The following TESK2 variants were observed in gnomAD, a reference collection of about 807,000 sequenced individuals.
TESK2 encodes dual specificity testis-specific protein kinase 2.
TESK2 carries 39 observed loss-of-function variants against 57.1 expected under a neutral mutation model. The ratio of observed to expected loss-of-function variants is 0.68; its 90% confidence interval spans 0.53 to 0.89. TESK2 has a LOEUF of 0.89. Among genes scored for constraint, TESK2 ranks in the 40% least tolerant of loss-of-function variants. The pLI is 0.00. For missense variants in TESK2, 646 were observed against 732.1 expected (o/e 0.88, Z 1.36); for synonymous variants, 249 against 267.9 (o/e 0.93, Z 0.69).
rs1220684632 is a variant in TESK2 at position 45,345,409 on chromosome 1, A to G, written c.1147T>C (p.Leu383=). 2.5e-6 allele frequency: 4 copies of G among 1,614,134 alleles called. No individual in the cohort carries two copies. The highest frequency in any genetic ancestry group is 3.4e-6 in the Non-Finnish European group (4 of 1,180,038). The change falls in exon 11 of 11, where the codon TTG becomes CTG. Residue 383 remains leucine, a synonymous_variant. Coordinates refer to ENST00000372086, the MANE Select transcript of TESK2 (RefSeq NM_007170.3). ...TCTCGTGGCCGGTAGTATGGGTCCA[A>G]GACACTCACTGTACGTGGGGGCTTA... ...SRKPPRTVSV[L]DPYYRPRDGA... is the part of the protein sequence containing the mutation.
intron 2 of TESK2, among the ~76,000 whole-genome samples, chr1:45,437,920 G>C (rs1246177702): frequency 6.6e-6 from 1 of 152,118 alleles, no homozygotes; most frequent in African/African-American, 2.4e-5. Context: ...GTTGGGGTTT[G>C]GGGATGGTTC....
At chr1:45,477,058 C>CAAAAAAAAAAAA (rs367548030) in intron 1 of TESK2, among the ~76,000 whole-genome samples, 1 of 123,512 alleles carries the variant, frequency 8.1e-6, no homozygotes, top group African/African-American at 3.1e-5. Context: ...ACGTCTCTAC[C>CAAAAAAAAAAAA]AAAAAAAAAA....
intron 1 of TESK2, among the ~76,000 whole-genome samples, chr1:45,475,263 G>A (rs1434117605): frequency 7.0e-6 from 1 of 142,632 alleles, no homozygotes; most frequent in Non-Finnish European, 1.5e-5. Context: ...ATGGAGTGCA[G>A]TGACGCGATC....
intron 4 of TESK2, among the ~76,000 whole-genome samples, chr1:45,367,136 A>AAAAT (rs1159636865): frequency 6.6e-6 from 1 of 152,232 alleles, no homozygotes; most frequent in Non-Finnish European, 1.5e-5. Context: ...CTAGTCTCAA[A>AAAAT]AAATAAATAA....
At position 45,398,387 on chromosome 1, in the gene TESK2, C is replaced by CA. The variant is rs527698083; in HGVS notation, c.345-12428dup. ...AGAAACCCAATCTCTACCAAAAATA[C>CA]AAAAAAAATTAGCTGGGTGTGGTGG... On this transcript the variant is annotated intron_variant, in intron 3 of 10. Transcript: ENST00000372086. Among the ~76,000 whole-genome samples the CA allele has an allele frequency of 1.2e-3, 187 of 151,536 alleles. 1 individual carries two copies. In the Middle Eastern group the frequency reaches 0.041, roughly 33 times the overall value.
At chr1:45,390,816 T>C (rs1227619503) in intron 3 of TESK2, among the ~76,000 whole-genome samples, 1 of 151,402 alleles carries the variant, frequency 6.6e-6, no homozygotes, top group African/African-American at 2.4e-5. Flanking sequence ...TTATGTTGCC[T>C]AGGCTGGTCT....
chr1:45,423,525 C>G (rs1310535971), intron 2 of TESK2, among the ~76,000 whole-genome samples: 2 of 149,580 alleles, frequency 1.3e-5, no homozygotes, highest in East Asian at 2.0e-4. Context: ...CCACTGCACT[C>G]CAGCCTGGGT....
At chr1:45,422,902 T>TG (rs1306034613) in intron 2 of TESK2, among the ~76,000 whole-genome samples, 1 of 151,548 alleles carries the variant, frequency 6.6e-6, no homozygotes, top group Non-Finnish European at 1.5e-5. Context: ...CCCGAGTAGC[T>TG]GCGATTACAA....
intron 1 of TESK2, among the ~76,000 whole-genome samples, chr1:45,489,135 GA>G (rs34912233): frequency 8.1e-4 from 109 of 134,198 alleles, no homozygotes; most frequent in Middle Eastern, 3.8e-3. Context: ...TGACACCAAA[GA>G]AAAAAAAAAA....
chr1:45,431,339 A>C (rs1219985636), intron 2 of TESK2, among the ~76,000 whole-genome samples: 2 of 151,822 alleles, frequency 1.3e-5, no homozygotes, highest in African/African-American at 4.8e-5. Context: ...AATCGCTTGA[A>C]CCCGGGAGAC....
intron 1 of TESK2, among the ~76,000 whole-genome samples, chr1:45,468,582 C>T (rs1652646157): frequency 1.3e-5 from 2 of 152,092 alleles, no homozygotes; most frequent in Non-Finnish European, 2.9e-5. Flanking sequence ...AAATATATGA[C>T]ATTTTATGAT....
chr1:45,344,819 T>C lies in TESK2; in HGVS notation c.*21A>G. ...TTCAGCTGAAGGTCCATCCCCAAGGTGAGGCAGGGACTAAACCCCCTCACC... is the reference window on the plus strand; with the variant it reads ...TTCAGCTGAAGGTCCATCCCCAAGGCGAGGCAGGGACTAAACCCCCTCACC... On this transcript the variant is annotated 3_prime_UTR_variant, in exon 11 of 11. Coordinates refer to ENST00000372086, the MANE Select transcript of TESK2 (RefSeq NM_007170.3). 6.3e-7 allele frequency: 1 copy of C among 1,595,560 alleles called. No individual in the cohort carries two copies. Among genetic ancestry groups the C allele is most frequent in the Non-Finnish European group, 8.6e-7 (1 of 1,169,308 alleles).
intron 1 of TESK2, among the ~76,000 whole-genome samples, chr1:45,477,172 G>A (rs1204680749): frequency 6.6e-6 from 1 of 151,510 alleles, no homozygotes; most frequent in African/African-American, 2.4e-5. Context: ...GGCAGAGGTT[G>A]CGGTGAGCTG....
rs577276376 is a variant in TESK2 at position 45,468,680 on chromosome 1, C to CT, written c.-86-10810dup. Among the ~76,000 whole-genome samples, 63 of 152,166 alleles carry CT rather than the reference C, an allele frequency of 4.1e-4. No individual in the cohort carries two copies. The South Asian group carries it at 0.013, about 32-fold the overall frequency. ...TAGTGTCCCTCAAAGTATTAATATA[C>CT]TTTTTTTGGAACAGAGATAACTACA... On this transcript the variant is annotated intron_variant, in intron 1 of 10. Coordinates refer to ENST00000372086, the MANE Select transcript of TESK2 (RefSeq NM_007170.3).
chr1:45,406,132 T>A (rs986871464), intron 3 of TESK2, among the ~76,000 whole-genome samples: 3 of 152,072 alleles, frequency 2.0e-5, no homozygotes, highest in Non-Finnish European at 2.9e-5. Context: ...CTTGGCAGGC[T>A]GAGGCAGAAG....
chr1:45,376,272 T>C (rs535656864), intron 4 of TESK2, among the ~76,000 whole-genome samples: 1 of 136,894 alleles, frequency 7.3e-6, no homozygotes, highest in African/African-American at 2.7e-5. Context: ...GGATAGAGCA[T>C]AGTGGTGTGA....
chr1:45,385,913 T>C lies in TESK2; in HGVS notation c.392A>G (p.Glu131Gly). The C allele has an allele frequency of 1.2e-6, 2 of 1,604,184 alleles. No individual in the cohort carries two copies. Among genetic ancestry groups the C allele is most frequent in the Non-Finnish European group, 1.7e-6 (2 of 1,174,002 alleles). ...VHQGQLHALT[E>G]YINSGNLEQL... ...CTTCAACACTTACTGATGTCTTACC[T>C]CTGTAAGTGCATGCAATTGTCCTTG... The change falls in exon 4 of 11, where the codon GAG becomes GGG. Residue 131 changes from glutamate to glycine, a missense_variant and splice_region_variant. Glu to Gly is a moderately conservative substitution (Grantham distance 98, BLOSUM62 -2). Coordinates refer to ENST00000372086, the MANE Select transcript of TESK2 (RefSeq NM_007170.3).
intron 1 of TESK2, among the ~76,000 whole-genome samples, chr1:45,478,006 T>A (rs924654545): frequency 2.0e-5 from 3 of 152,212 alleles, no homozygotes; most frequent in Non-Finnish European, 4.4e-5. Context: ...TTTTTCAATC[T>A]GTTTCACCAG....
intron 1 of TESK2, 139 bp from the exon 2 acceptor site, chr1:45,458,010 C>A: frequency 2.0e-6 from 1 of 501,680 alleles, no homozygotes; most frequent in South Asian, 2.2e-5. Flanking sequence ...ATGTCTTTAC[C>A]CTCAAATAAC....
Sources: allele counts gnomAD v4.1 joint callset (sites outside exome capture counted in the v4.1 genomes callset), GRCh38; gene constraint gnomAD v4.1.1; transcripts MANE v1.5; gene names NCBI Gene and HGNC (gene_info 2026-07-23, HGNC 2026-07-21).